The following CTNNBIP1 variants were observed in gnomAD, a reference collection of about 807,000 sequenced individuals.
CTNNBIP1 encodes catenin beta interacting protein 1.
Under a neutral mutation model 11.8 loss-of-function variants are expected in CTNNBIP1, and 7 were observed. The ratio of observed to expected loss-of-function variants is 0.60; its 90% confidence interval spans 0.34 to 1.12. CTNNBIP1 has a LOEUF of 1.12. Ranked by LOEUF, CTNNBIP1 falls within the 50% of genes most tolerant of loss-of-function variation. CTNNBIP1 has a pLI of 0.03. For missense variants in CTNNBIP1, 101 were observed against 113.4 expected, an observed-to-expected ratio of 0.89 and a Z score of 0.50; for synonymous variants, 58 against 43.9, an observed-to-expected ratio of 1.32 and a Z score of -1.26.
Position 9,871,103 on chromosome 1 carries a change from C to G in CTNNBIP1, c.187+84G>C. 1.9e-6 allele frequency: 2 copies of G among 1,030,982 alleles called. No individual in the cohort carries two copies. The highest frequency in any genetic ancestry group is 1.4e-5 in the South Asian group (1 of 70,416). 63.9% of individuals were successfully genotyped at this position (1,030,982 alleles called of 1,614,324 possible). A position where few individuals can be genotyped will look rare whatever the true frequency, so the allele number is the denominator to read the frequency against. ...CTCATGGATCACCCATCAAAGAGGG[C>G]TGGAGCTACGCTTTCTAAGGGAACC... On this transcript the variant is annotated intron_variant, in intron 5 of 5. Coordinates refer to ENST00000377263, the MANE Select transcript of CTNNBIP1 (RefSeq NM_020248.3). This position sits in a 1 kb window ranked among gnomAD's most constrained non-coding sequence, Gnocchi z 5.2.
intron 1 of CTNNBIP1, among the ~76,000 whole-genome samples, chr1:9,909,069 C>T (rs1480868424): frequency 5.9e-5 from 9 of 152,220 alleles, no homozygotes. Context: ...TCAGTTATCA[C>T]TTGGGGACAC....
chr1:9,880,304 G>A (rs532029099), intron 2 of CTNNBIP1, among the ~76,000 whole-genome samples: 7 of 152,314 alleles, frequency 4.6e-5, no homozygotes, highest in Admixed American at 1.3e-4. Flanking sequence ...CAAAGGACAC[G>A]ATCTCATTCT....
rs948248593 is a variant in CTNNBIP1 at position 9,867,211 on chromosome 1, G to C, written c.187+3976C>G. Among the ~76,000 whole-genome samples the C allele has an allele frequency of 8.5e-5, 13 of 152,186 alleles. No individual in the cohort carries two copies. The highest frequency in any genetic ancestry group is 1.8e-4 in the Non-Finnish European group (12 of 68,024). On this transcript the variant is annotated intron_variant, in intron 5 of 5. Coordinates refer to ENST00000377263, the MANE Select transcript of CTNNBIP1 (RefSeq NM_020248.3). This position sits in a 1 kb window ranked among gnomAD's most constrained non-coding sequence, Gnocchi z 4.6. The stretch of plus-strand genomic sequence containing the variant: ...CGTGAAGGACAAGGGAGGGAAAGGA[G>C]GCTGTCATTGGTGGTCTCAGCCCAG...
intron 5 of CTNNBIP1, among the ~76,000 whole-genome samples, chr1:9,853,099 C>T (rs1638425905): frequency 2.0e-5 from 3 of 152,128 alleles, no homozygotes; most frequent in Non-Finnish European, 2.9e-5. Flanking sequence ...CAGCTGCCAC[C>T]CCCTTCCCTG....
At chr1:9,861,087 A>G (rs1638616187) in intron 5 of CTNNBIP1, among the ~76,000 whole-genome samples, 1 of 152,254 alleles carries the variant, frequency 6.6e-6, no homozygotes, top group African/African-American at 2.4e-5. Context: ...CCAAGTGTCC[A>G]GGACAACGCC....
At chr1:9,886,013 C>T (rs1639181539) in intron 1 of CTNNBIP1, among the ~76,000 whole-genome samples, 1 of 151,440 alleles carries the variant, frequency 6.6e-6, no homozygotes, top group Non-Finnish European at 1.5e-5. Flanking sequence ...AGTTACTATA[C>T]TAATGAGATA....
At chr1:9,870,224 G>A (rs1057409819) in intron 5 of CTNNBIP1, among the ~76,000 whole-genome samples, 2 of 152,236 alleles carry the variant, frequency 1.3e-5, no homozygotes, top group South Asian at 2.1e-4. Flanking sequence ...TCGGGGGCCC[G>A]CTCGCGTCTG....
chr1:9,868,268 A>G (rs1234970854), intron 5 of CTNNBIP1, among the ~76,000 whole-genome samples: 1 of 152,168 alleles, frequency 6.6e-6, no homozygotes, highest in African/African-American at 2.4e-5. Flanking sequence ...CTCCAGCTTC[A>G]GCTCCAGAAG....
At chr1:9,860,428 TAA>T (rs58165059) in intron 5 of CTNNBIP1, among the ~76,000 whole-genome samples, 4,809 of 45,400 alleles carry the variant, frequency 0.11, 316 homozygotes, top group African/African-American at 0.3. Flanking sequence ...CCGTCTCTAC[TAA>T]AAAAAAAAAA....
intron 1 of CTNNBIP1, among the ~76,000 whole-genome samples, chr1:9,891,841 G>A (rs1378104481): frequency 5.0e-5 from 6 of 120,980 alleles, no homozygotes; most frequent in South Asian, 2.6e-4. Context: ...TCCCTCTGTC[G>A]CCCAGGCTGG....
At chr1:9,903,064 T>C (rs1415084309) in intron 1 of CTNNBIP1, among the ~76,000 whole-genome samples, 2 of 152,166 alleles carry the variant, frequency 1.3e-5, no homozygotes, top group East Asian at 1.9e-4. Flanking sequence ...CACGCCCGGC[T>C]GGGGAATAAC....
chr1:9,871,292 A>C lies in CTNNBIP1; in HGVS notation c.97-15T>G. 1 of 1,548,004 alleles carries C rather than the reference A, an allele frequency of 6.5e-7. No individual in the cohort carries two copies. The highest frequency in any genetic ancestry group is 1.2e-5 in the South Asian group (1 of 84,346). ...CTGGCTGTCAGCTGCAGGGTGAGAG[A>C]GCTGTGGTGAGGGGCAGCATGCACC... On this transcript the variant is annotated splice_polypyrimidine_tract_variant and intron_variant, in intron 4 of 5. Coordinates refer to ENST00000377263, the MANE Select transcript of CTNNBIP1 (RefSeq NM_020248.3). The surrounding 1 kb of genome is among the most constrained non-coding windows in gnomAD (Gnocchi z 5.2).
At chr1:9,861,563 C>T (rs575701800) in intron 5 of CTNNBIP1, among the ~76,000 whole-genome samples, 8 of 152,328 alleles carry the variant, frequency 5.3e-5, no homozygotes, top group African/African-American at 1.2e-4. Flanking sequence ...GGCTCAGGGG[C>T]GCCTCCTGGG....
At chr1:9,890,513 C>G (rs6666582) in intron 1 of CTNNBIP1, among the ~76,000 whole-genome samples, 1 of 152,174 alleles carries the variant, frequency 6.6e-6, no homozygotes, top group Non-Finnish European at 1.5e-5. Context: ...GGAACCAGCA[C>G]GCCTACAAAA....
intron 1 of CTNNBIP1, among the ~76,000 whole-genome samples, chr1:9,899,723 C>A (rs373783430): frequency 6.6e-6 from 1 of 151,564 alleles, no homozygotes; most frequent in Non-Finnish European, 1.5e-5. Flanking sequence ...CATGCCACTG[C>A]ACTCCAGCCT....
chr1:9,864,795 A>G (rs1424610957), intron 5 of CTNNBIP1, among the ~76,000 whole-genome samples: 2 of 152,230 alleles, frequency 1.3e-5, no homozygotes, highest in Non-Finnish European at 2.9e-5. Context: ...GAGAACCAGC[A>G]CATTGGAAGG....
rs1638313556 is a variant in CTNNBIP1, at chr1:9,848,657, T to C, written c.*2061A>G. On this transcript the variant is annotated 3_prime_UTR_variant, in exon 6 of 6. Transcript: ENST00000377263. The surrounding 1 kb of genome is among the most constrained non-coding windows in gnomAD (Gnocchi z 4.3). ...GCGTGTGTGTGCACATGTGTATGAG[T>C]GTGCACACGGGTGTGCTCACTCACA... 1 of 152,146 alleles carries C rather than the reference T, an allele frequency of 6.6e-6. No homozygotes were observed. Among genetic ancestry groups the C allele is most frequent in the South Asian group, 2.1e-4 (1 of 4,830 alleles). The allele number at this position is 152,146 out of a possible 1,614,324, so 9.4% of individuals were successfully genotyped here. A position where few individuals can be genotyped will look rare whatever the true frequency, so the allele number is the denominator to read the frequency against.
At chr1:9,900,998 A>C (rs537636747) in intron 1 of CTNNBIP1, among the ~76,000 whole-genome samples, 9 of 152,330 alleles carry the variant, frequency 5.9e-5, no homozygotes, top group African/African-American at 1.9e-4. Flanking sequence ...CTTGGTAAGT[A>C]AAATGGGATT....
At chr1:9,852,383 T>C (rs968667091) in intron 5 of CTNNBIP1, among the ~76,000 whole-genome samples, 6 of 152,176 alleles carry the variant, frequency 3.9e-5, no homozygotes, top group African/African-American at 1.4e-4. Context: ...CTCGCCTTCA[T>C]GGGGTTCTGG....
Sources: gnomAD v4.1 joint callset for allele counts (sites outside exome capture counted in the v4.1 genomes callset) on GRCh38, gnomAD v4.1.1 for gene constraint, Gnocchi (gnomAD v3.1) non-coding constraint, MANE v1.5 for transcripts, NCBI Gene and HGNC (gene_info 2026-07-23, HGNC 2026-07-21) for gene names.